The following CEP290 variants were observed in gnomAD, a reference collection of about 807,000 sequenced individuals.
CEP290 encodes centrosomal protein of 290 kDa.
A neutral mutation model predicts 344.9 loss-of-function variants in CEP290; 317 were observed. The observed-to-expected ratio is 0.92, with a 90% confidence interval of 0.84 to 1.01. The LOEUF (loss-of-function observed/expected upper bound fraction) is 1.01, where lower values mean the gene tolerates loss of function less well. Among genes scored for constraint, CEP290 ranks in the 50% least tolerant of loss-of-function variants. CEP290 has a pLI of 0.00. For synonymous variants in CEP290, 932 were observed against 895.8 expected, an observed-to-expected ratio of 1.04 and a Z score of -0.72; for missense variants, 2,754 against 2,761.4, an observed-to-expected ratio of 1.00 and a Z score of 0.06.
intron 6 of CEP290, among the ~76,000 whole-genome samples, chr12:88,133,849 CAAG>C (rs1748482841): frequency 6.6e-6 from 1 of 152,140 alleles, no homozygotes; most frequent in African/African-American, 2.4e-5. Context: ...GAAATTTTTA[CAAG>C]AAGAGAAGCC....
chr12:88,126,465 T>A (rs1592660779), intron 11 of CEP290, 27 bp from the exon 12 acceptor site: 1 of 1,422,628 alleles, frequency 7.0e-7, no homozygotes, highest in Non-Finnish European at 9.4e-7. Flanking sequence ...TAGAATCTGT[T>A]ATGCAAAAGG....
chr12:88,130,487 A>G, intron 8 of CEP290, 58 bp downstream of exon 8: 1 of 1,594,960 alleles, frequency 6.3e-7, no homozygotes, highest in South Asian at 1.2e-5. Flanking sequence ...TATCCTCTAA[A>G]TAGTGCTCTC....
At chr12:88,130,109 T>C (rs895012269) in intron 9 of CEP290, among the ~76,000 whole-genome samples, 159 bp downstream of exon 9, 1 of 152,000 alleles carries the variant, frequency 6.6e-6, no homozygotes, top group Admixed American at 6.6e-5. Context: ...GGCTAAAAAG[T>C]TGCAACTTCA....
intron 37 of CEP290, among the ~76,000 whole-genome samples, 176 bp from the exon 38 acceptor site, chr12:88,080,571 G>A (rs928527483): frequency 2.0e-5 from 3 of 152,058 alleles, no homozygotes; most frequent in Non-Finnish European, 4.4e-5. Context: ...CTGGGACTAC[G>A]GGCGTGCACC....
rs201614215 is a variant in CEP290 at position 88,083,853 on chromosome 12, C to T, written c.4806G>A (p.Thr1602=). 2,851 of 1,560,810 alleles carry T rather than the reference C, an allele frequency of 1.8e-3. 6 individuals carry two copies. Among genetic ancestry groups the T allele is most frequent in the Non-Finnish European group, 2.4e-3 (2,701 of 1,146,148 alleles). ...ADSSLNKFKQ[T]AWDLMKQSPT... is the part of the protein sequence containing the mutation. ...AAAGTTCTTAGAATCTTACCCAAGC[C>T]GTTTGTTTGAATTTATTTAGTGAAC... The change falls in exon 36 of 54, where the codon ACG becomes ACA. Residue 1602 remains threonine (T), a synonymous_variant. Transcript: ENST00000552810.
Position 88,059,922 on chromosome 12 carries a change from T to C in CEP290, c.6621A>G (p.Glu2207=). The change falls in exon 48 of 54, where the codon GAA becomes GAG. Residue 2207 remains glutamate, a synonymous_variant. Transcript: ENST00000552810. The part of the protein sequence containing the change: ...KGTEKIIAEN[E]RLRKELKKET... Reference sequence around the variant, plus strand: ...CTTTTTTAAGTTCTTTACGAAGCCTTTCATTTTCAGCAATAATTTTTTCTG... The same window carrying C: ...CTTTTTTAAGTTCTTTACGAAGCCTCTCATTTTCAGCAATAATTTTTTCTG... 1 of 1,594,766 alleles carries C rather than the reference T, an allele frequency of 6.3e-7. No individual in the cohort carries two copies. The highest frequency in any genetic ancestry group is 1.1e-5 in the South Asian group (1 of 87,112).
intron 13 of CEP290, among the ~76,000 whole-genome samples, chr12:88,123,696 T>C (rs968952695): frequency 2.6e-5 from 4 of 152,118 alleles, no homozygotes; most frequent in African/African-American, 7.2e-5. Flanking sequence ...CCTCATTATT[T>C]CAATTACTTT....
chr12:88,110,357 G>A (rs945344526), intron 22 of CEP290, among the ~76,000 whole-genome samples: 1 of 152,096 alleles, frequency 6.6e-6, no homozygotes, highest in African/African-American at 2.4e-5. Flanking sequence ...CTCTTTGGTG[G>A]TAGATTAACA....
At position 88,106,801 on chromosome 12, in the gene CEP290, T is replaced by C. The variant is rs774079924; in HGVS notation, c.2691A>G (p.Ile897Met). Reference protein sequence around the residue: ...TVLQVNEKSLIRQYTTLVELE... With the variant: ...TVLQVNEKSLMRQYTTLVELE... The stretch of plus-strand genomic sequence containing the variant: ...ATTCTACTAAGGTTGTATATTGCCT[T>C]ATAAGTGATTTTTCATTCACTTGCA... The change falls in exon 25 of 54, where the codon ATA becomes ATG. Residue 897 changes from isoleucine to methionine, a missense_variant. Coordinates refer to ENST00000552810, the MANE Select transcript of CEP290 (RefSeq NM_025114.4). The C allele has an allele frequency of 9.9e-6, 16 of 1,609,094 alleles. No individual in the cohort carries two copies. Among genetic ancestry groups the C allele is most frequent in the Non-Finnish European group, 1.4e-5 (16 of 1,177,414 alleles).
intron 6 of CEP290, among the ~76,000 whole-genome samples, chr12:88,132,679 TA>T (rs1230803812): frequency 6.6e-6 from 1 of 152,154 alleles, no homozygotes; most frequent in African/African-American, 2.4e-5. Context: ...GGCACAACAT[TA>T]AGAACTGGTG....
intron 35 of CEP290, 41 bp from the exon 36 acceptor site, chr12:88,083,995 TA>T (rs1391962265): frequency 1.6e-6 from 2 of 1,234,820 alleles, no homozygotes; most frequent in Admixed American, 4.7e-5. Flanking sequence ...AAATTGTGAT[TA>T]AAACAAATTC....
chr12:88,119,045 A>G (rs1442707376), intron 15 of CEP290, among the ~76,000 whole-genome samples: 1 of 152,216 alleles, frequency 6.6e-6, no homozygotes, highest in Non-Finnish European at 1.5e-5. Flanking sequence ...AGTCATCTTT[A>G]GGAACTTCCA....
In CEP290 at chr12:88,087,932, GC is replaced by G; in HGVS notation, c.4041del (p.Trp1347CysfsTer3). On this transcript the variant is annotated frameshift_variant, in exon 32 of 54. Coordinates refer to ENST00000552810, the MANE Select transcript of CEP290 (RefSeq NM_025114.4). LOFTEE classifies it high-confidence loss of function. ...AGACGAAGTTCTTCTATTTTCATAT[GC>G]CAGTTGATTACCTAAGATTTACAAT... Reference protein sequence around the residue: ...DTKGAQKVINWHMKIEELRLQ... With the variant: ...DTKGAQKVINXHMKIEELRLQ... The G allele has an allele frequency of 8.5e-7, 1 of 1,170,114 alleles. No individual in the cohort carries two copies. Among genetic ancestry groups the G allele is most frequent in the African/African-American group, 1.6e-5 (1 of 62,848 alleles). The allele number at this position is 1,170,114 out of a possible 1,614,324, so 72.5% of individuals were successfully genotyped here. A position where few individuals can be genotyped will look rare whatever the true frequency, so the allele number is the denominator to read the frequency against.
chr12:88,055,839 T>A, intron 49 of CEP290, 122 bp from the exon 50 acceptor site: 1 of 733,948 alleles, frequency 1.4e-6, no homozygotes, highest in Non-Finnish European at 2.1e-6. Flanking sequence ...TTTCTTCTAG[T>A]CAAAGTTTTA....
At position 88,107,005 on chromosome 12, in the gene CEP290, TTTTAC is replaced by T; in HGVS notation, c.2572_2576del (p.Val858ArgfsTer3). ...AAAATGTTTTACTTACATTATATTC[TTTTAC>T]TTTTATAGCATCTTGTTGGACTTGA... On this transcript the variant is annotated frameshift_variant, in exon 24 of 54. Transcript: ENST00000552810. LOFTEE classifies it high-confidence loss of function. 1 of 1,545,450 alleles carries T rather than the reference TTTTAC, an allele frequency of 6.5e-7. No homozygotes were observed. Among genetic ancestry groups the T allele is most frequent in the African/African-American group, 1.4e-5 (1 of 72,708 alleles).
intron 32 of CEP290, 102 bp downstream of exon 32, chr12:88,087,678 C>T (rs577716143): frequency 1.6e-5 from 6 of 383,010 alleles, no homozygotes; most frequent in African/African-American, 6.5e-5. Context: ...CGAGATCACG[C>T]CACTGCACTC....
Position 88,064,045 on chromosome 12 carries a change from G to T in CEP290, c.6206C>A (p.Ser2069Ter). 6.3e-7 allele frequency: 1 copy of T among 1,594,100 alleles called. No individual in the cohort carries two copies. Among genetic ancestry groups the T allele is most frequent in the South Asian group, 1.1e-5 (1 of 87,934 alleles). The part of the protein sequence containing the change: ...QELQKENLKL[S>*]SENIELKFQL... ...AAATTTCAGTTCAATATTTTCAGAT[G>T]ACAACTTCAAGTTTTCCTTCTGAAG... The change falls in exon 45 of 54, where the codon TCA becomes TAA. Residue 2069 changes from serine to a stop codon, truncating the protein, a stop_gained. Coordinates refer to ENST00000552810, the MANE Select transcript of CEP290 (RefSeq NM_025114.4). LOFTEE classifies it high-confidence loss of function.
intron 5 of CEP290, 128 bp downstream of exon 5, chr12:88,139,017 G>A: frequency 1.7e-6 from 1 of 578,622 alleles, no homozygotes; most frequent in South Asian, 1.9e-5. Flanking sequence ...AACATATACA[G>A]AATAAACAAA....
At chr12:88,099,708 G>A (rs2037727314) in intron 26 of CEP290, among the ~76,000 whole-genome samples, 1 of 152,042 alleles carries the variant, frequency 6.6e-6, no homozygotes, top group African/African-American at 2.4e-5. Context: ...TATTTTTTAA[G>A]TAAAGTACAT....
Sources: gnomAD v4.1 joint callset for allele counts (sites outside exome capture counted in the v4.1 genomes callset) on GRCh38, gnomAD v4.1.1 for gene constraint, MANE v1.5 for transcripts, NCBI Gene and HGNC (gene_info 2026-07-23, HGNC 2026-07-21) for gene names.